The following SPART variants were observed in gnomAD, a reference collection of about 807,000 sequenced individuals.
SPART encodes spartin.
Under a neutral mutation model 58.7 loss-of-function variants are expected in SPART, and 35 were observed. The observed-to-expected ratio is 0.60, with a 90% CI of 0.46 to 0.79. The LOEUF (loss-of-function observed/expected upper bound fraction) is 0.79, where lower values mean the gene tolerates loss of function less well. Ranked by LOEUF, SPART falls within the 30% of genes least tolerant of loss-of-function variation. The pLI is 0.00. For synonymous variants in SPART, 284 were observed against 280.7 expected, an observed-to-expected ratio of 1.01 and a Z score of -0.12; for missense variants, 730 against 786.1, an observed-to-expected ratio of 0.93 and a Z score of 0.85.
intron 5 of SPART, among the ~76,000 whole-genome samples, chr13:36,321,099 T>A (rs1465425029): frequency 6.6e-6 from 1 of 152,208 alleles, no homozygotes; most frequent in Non-Finnish European, 1.5e-5. Context: ...TAAGCTCCCG[T>A]ACAGACGCTC....
At chr13:36,304,654 A>T (rs754331131) in intron 8 of SPART, 22 bp from the exon 9 acceptor site, 2 of 1,610,742 alleles carry the variant, frequency 1.2e-6, no homozygotes, top group Non-Finnish European at 1.7e-6. Context: ...AGATTAGAGG[A>T]CATACAATGA....
At chr13:36,357,253 C>T (rs1041090915) in intron 1 of SPART, among the ~76,000 whole-genome samples, 2 of 152,166 alleles carry the variant, frequency 1.3e-5, no homozygotes, top group African/African-American at 4.8e-5. Flanking sequence ...GAGGCAAGTG[C>T]ATGAGTGAAA....
At chr13:36,321,850 G>C (rs1882437257) in intron 5 of SPART, among the ~76,000 whole-genome samples, 1 of 152,116 alleles carries the variant, frequency 6.6e-6, no homozygotes, top group African/African-American at 2.4e-5. Flanking sequence ...AATATGCCCT[G>C]CCCCACCTTA....
intron 5 of SPART, among the ~76,000 whole-genome samples, chr13:36,317,625 GAAGGT>G (rs1373318309): frequency 1.3e-5 from 2 of 151,528 alleles, no homozygotes; most frequent in African/African-American, 4.8e-5. Context: ...CCCTTTTCTG[GAAGGT>G]AAGAACCCCG....
intron 4 of SPART, among the ~76,000 whole-genome samples, chr13:36,328,289 T>C (rs1286996661): frequency 7.2e-5 from 11 of 152,210 alleles, no homozygotes; most frequent in African/African-American, 2.4e-4. Context: ...TATTGAGCAT[T>C]TACCATGTGG....
At chr13:36,353,223 A>C (rs900521537) in intron 1 of SPART, among the ~76,000 whole-genome samples, 3 of 152,212 alleles carry the variant, frequency 2.0e-5, no homozygotes, top group Non-Finnish European at 4.4e-5. Flanking sequence ...AGAGCAAGAC[A>C]AATATGTAAA....
At chr13:36,310,445 T>C (rs987124079) in intron 8 of SPART, among the ~76,000 whole-genome samples, 1 of 152,156 alleles carries the variant, frequency 6.6e-6, no homozygotes, top group African/African-American at 2.4e-5. Context: ...CAGAAGACCC[T>C]GCTTTACTCT....
chr13:36,337,269 C>T (rs1291747328), intron 1 of SPART, among the ~76,000 whole-genome samples: 1 of 152,214 alleles, frequency 6.6e-6, no homozygotes, highest in Non-Finnish European at 1.5e-5. Context: ...CCCCCTGGGG[C>T]ATGAATCATC....
chr13:36,329,551 A>T (rs1305607611), intron 3 of SPART, 34 bp from the exon 4 acceptor site: 2 of 1,611,564 alleles, frequency 1.2e-6, no homozygotes, highest in Non-Finnish European at 1.7e-6. Flanking sequence ...AACTCTAATC[A>T]GAATTTTTCT....
At chr13:36,324,684 C>T (rs1005368482) in intron 5 of SPART, among the ~76,000 whole-genome samples, 1 of 152,138 alleles carries the variant, frequency 6.6e-6, no homozygotes, top group African/African-American at 2.4e-5. Context: ...AGTATTTTCA[C>T]TTGCGTGCAT....
chr13:36,354,870 G>C (rs749489501), intron 1 of SPART, among the ~76,000 whole-genome samples: 14 of 152,026 alleles, frequency 9.2e-5, no homozygotes, highest in Non-Finnish European at 1.9e-4. Flanking sequence ...TTTTTCACAA[G>C]AAAATAAATT....
At chr13:36,325,870 G>T (rs1475584467) in intron 5 of SPART, 3 of 152,146 alleles carry the variant, frequency 2.0e-5, no homozygotes, top group Non-Finnish European at 4.4e-5. Context: ...TTTTTGGGTG[G>T]GTATCTGAGT....
At chr13:36,361,846 CTG>C (rs1276563151) in intron 1 of SPART, among the ~76,000 whole-genome samples, 1 of 152,168 alleles carries the variant, frequency 6.6e-6, no homozygotes, top group Non-Finnish European at 1.5e-5. Context: ...ATTGTAATCT[CTG>C]TTGATATTTA....
chr13:36,338,583 T>C (rs1349391590), intron 1 of SPART, among the ~76,000 whole-genome samples: 1 of 152,222 alleles, frequency 6.6e-6, no homozygotes, highest in Admixed American at 6.5e-5. Context: ...CAGGACGCTG[T>C]TTCTCTACAG....
At chr13:36,339,528 A>G (rs1884360478) in intron 1 of SPART, among the ~76,000 whole-genome samples, 1 of 148,512 alleles carries the variant, frequency 6.7e-6, no homozygotes, top group Admixed American at 6.8e-5. Flanking sequence ...CTACTCAGGA[A>G]GCTGAGACAG....
At chr13:36,314,006 G>A (rs1881406049) in intron 6 of SPART, 1 of 567,534 alleles carries the variant, frequency 1.8e-6, no homozygotes, top group Non-Finnish European at 3.1e-6. Flanking sequence ...GAATCAGTAG[G>A]TGTGTCTGTC....
rs892505470 is a variant in SPART, at chr13:36,303,635, GATA to G, written c.*727_*729del. Reference sequence around the variant, plus strand: ...AGTACTTTTTTAATCCAATTAAGCTGATAATAATCACTTCGAATTTTAATACAA... The same window carrying G: ...AGTACTTTTTTAATCCAATTAAGCTGATAATCACTTCGAATTTTAATACAA... On this transcript the variant is annotated 3_prime_UTR_variant, in exon 9 of 9. Coordinates refer to ENST00000438666, the MANE Select transcript of SPART (RefSeq NM_015087.5). 3 of 152,318 alleles carry G rather than the reference GATA, an allele frequency of 2.0e-5. No individual in the cohort carries two copies. The highest frequency in any genetic ancestry group is 4.4e-5 in the Non-Finnish European group (3 of 67,996). The allele number at this position is 152,318 out of a possible 1,614,324, so 9.4% of individuals were successfully genotyped here.
intron 1 of SPART, among the ~76,000 whole-genome samples, chr13:36,367,703 C>T (rs968731464): frequency 1.3e-5 from 2 of 152,126 alleles, no homozygotes; most frequent in African/African-American, 4.8e-5. Context: ...AGGTAGATGG[C>T]AGTGTATTCC....
intron 1 of SPART, among the ~76,000 whole-genome samples, chr13:36,341,541 C>G (rs1884588965): frequency 6.6e-6 from 1 of 152,086 alleles, no homozygotes; most frequent in Admixed American, 6.6e-5. Context: ...CCACATGTAC[C>G]TAGTGGCTAC....
Sources: gnomAD v4.1 joint callset for allele counts (sites outside exome capture counted in the v4.1 genomes callset) on GRCh38, gnomAD v4.1.1 for gene constraint, MANE v1.5 for transcripts, NCBI Gene and HGNC (gene_info 2026-07-23, HGNC 2026-07-21) for gene names.